The following MTM1 variants were observed in gnomAD, a reference collection of about 807,000 sequenced individuals.
MTM1 encodes myotubularin.
In MTM1, 9 loss-of-function variants were observed where a neutral mutation model predicts 52.1. That is an observed-to-expected ratio of 0.17 (90% CI 0.10 to 0.30). MTM1 has a LOEUF of 0.30. MTM1 is among the 10% of genes least tolerant of loss of function. MTM1 has a pLI of 1.00. For missense variants in MTM1, 277 were observed against 470.7 expected (o/e 0.59, Z 3.81); for synonymous variants, 136 against 163.8 (o/e 0.83, Z 1.29).
chrX:150,612,925 A>G (rs2039312577), intron 4 of MTM1, among the ~76,000 whole-genome samples: 1 of 110,031 alleles, frequency 9.1e-6, no homozygotes, highest in African/African-American at 3.3e-5. Context: ...TGGAGGTTGC[A>G]GTGAGCTGAG....
chrX:150,577,508 T>TA (rs1780884644), intron 1 of MTM1, among the ~76,000 whole-genome samples: 1 of 112,740 alleles, frequency 8.9e-6, no homozygotes, highest in Non-Finnish European at 1.9e-5. Flanking sequence ...ATTTTTAACT[T>TA]ACAAATTCCT....
Position 150,671,616 on chromosome X carries a change from T to C in MTM1, c.*21T>C. Reference sequence around the variant, plus strand: ...TCTGAGGGGGGACCCTGGCACCGCATTAGAGCTCGAAATAAAGGCGATAGC... The same window carrying C: ...TCTGAGGGGGGACCCTGGCACCGCACTAGAGCTCGAAATAAAGGCGATAGC... On this transcript the variant is annotated 3_prime_UTR_variant, in exon 15 of 15. Transcript: ENST00000370396. 8.3e-7 allele frequency: 1 copy of C among 1,207,220 alleles called. No individual in the cohort carries two copies. Among genetic ancestry groups the C allele is most frequent in the African/African-American group, 1.7e-5 (1 of 57,689 alleles).
rs1183572363 is a variant in MTM1 at position 150,583,863 on chromosome X, A to T, written c.-10-8742A>T. On this transcript the variant is annotated intron_variant, in intron 1 of 14. Transcript: ENST00000370396. ...AATATATATCAAATATATAAAATATATATTAAATATATATTAAATATATAT... is the reference window on the plus strand; with the variant it reads ...AATATATATCAAATATATAAAATATTTATTAAATATATATTAAATATATAT... Among the ~76,000 whole-genome samples the T allele has an allele frequency of 4.3e-5, 2 of 46,474 alleles. 1 individual carries two copies. Among genetic ancestry groups the T allele is most frequent in the African/African-American group, 1.7e-4 (2 of 11,802 alleles). The allele number at this position is 46,474 out of a possible 115,157, so 40.4% of individuals were successfully genotyped here. A position where few individuals can be genotyped will look rare whatever the true frequency, so the allele number is the denominator to read the frequency against.
intron 1 of MTM1, among the ~76,000 whole-genome samples, chrX:150,581,096 G>A (rs1237324278): frequency 9.0e-6 from 1 of 111,642 alleles, no homozygotes; most frequent in Non-Finnish European, 1.9e-5. Context: ...ATCCTCAAAG[G>A]CTCTAGGCCA....
chrX:150,590,396 T>A (rs1169560394), intron 1 of MTM1, among the ~76,000 whole-genome samples: 1 of 111,814 alleles, frequency 8.9e-6, no homozygotes, highest in Admixed American at 9.5e-5. Flanking sequence ...ATTCCCAAAG[T>A]GGGCAAATTT....
At position 150,589,457 on chromosome X, in the gene MTM1, T is replaced by C. The variant is rs2038845988; in HGVS notation, c.-10-3148T>C. 3.6e-5 allele frequency among the ~76,000 whole-genome samples: 4 copies of C among 111,963 alleles called. 1 individual carries two copies. The South Asian group carries it at 1.5e-3, about 42-fold the overall frequency. The stretch of plus-strand genomic sequence containing the variant: ...GCTTTAAAGCCAAGGTAGCCAAAAA[T>C]CAACATTTTTTTGTTTGTTTTTTAA... On this transcript the variant is annotated intron_variant, in intron 1 of 14. Transcript: ENST00000370396.
chrX:150,660,227 A>AGT, intron 12 of MTM1, 144 bp from the exon 13 acceptor site: 1 of 473,371 alleles, frequency 2.1e-6, no homozygotes, highest in East Asian at 3.7e-5. Flanking sequence ...GAACAACTGT[A>AGT]GTGTGTGTGC....
At chrX:150,589,558 T>A (rs782473999) in intron 1 of MTM1, among the ~76,000 whole-genome samples, 1 of 111,519 alleles carries the variant, frequency 9.0e-6, no homozygotes, top group Non-Finnish European at 1.9e-5. Flanking sequence ...AGCTGATTTT[T>A]GTAGACTTCA....
intron 2 of MTM1, 96 bp downstream of exon 2, chrX:150,592,773 T>C: frequency 1.7e-6 from 1 of 585,906 alleles, no homozygotes; most frequent in Admixed American, 2.4e-5. Context: ...GAATTATGAA[T>C]TTTATTATTC....
chrX:150,563,035 T>C, the MTM1 span, among the ~76,000 whole-genome samples: 1 of 111,180 alleles, frequency 9.0e-6, no homozygotes, highest in Admixed American at 9.6e-5. Flanking sequence ...GCTCTCTCTG[T>C]CCTGCCCCCA....
At chrX:150,600,345 G>A (rs2039048115) in intron 4 of MTM1, among the ~76,000 whole-genome samples, 2 of 112,312 alleles carry the variant, frequency 1.8e-5, no homozygotes, top group South Asian at 7.3e-4. Context: ...GTTGTTATCA[G>A]TAAAGGATAG....
chrX:150,603,371 AT>A (rs1376445827), intron 4 of MTM1, among the ~76,000 whole-genome samples: 1 of 111,833 alleles, frequency 8.9e-6, no homozygotes, highest in African/African-American at 3.3e-5. Flanking sequence ...ATCCAATGTG[AT>A]TTCAGGAAGA....
intron 4 of MTM1, among the ~76,000 whole-genome samples, chrX:150,612,377 T>C (rs1327983124): frequency 9.0e-6 from 1 of 111,686 alleles, no homozygotes; most frequent in Non-Finnish European, 1.9e-5. Context: ...TATGAATAAC[T>C]GCTTATTTTC....
intron 4 of MTM1, 31 bp from the exon 5 acceptor site, chrX:150,614,558 A>G (rs1265317241): frequency 1.2e-6 from 1 of 824,363 alleles, no homozygotes; most frequent in Non-Finnish European, 1.8e-6. Flanking sequence ...ACTGACAGAA[A>G]TACTGACTAC....
chrX:150,650,238 G>A (rs782616031), intron 10 of MTM1, among the ~76,000 whole-genome samples: 1 of 110,063 alleles, frequency 9.1e-6, no homozygotes, highest in South Asian at 3.8e-4. Context: ...ATAAGAGGTG[G>A]TTAGTTTTGT....
At position 150,660,618 on chromosome X, in the gene MTM1, A is replaced by G. The variant is rs900705341; in HGVS notation, c.1467+134A>G. On this transcript the variant is annotated intron_variant, in intron 13 of 14. Transcript: ENST00000370396. ...AAAGAGTAGGAATTACATTAAAGGT[A>G]TGCATTTTGTGTTATATAAAGGAAT... 1.0e-5 allele frequency: 5 copies of G among 489,848 alleles called. No homozygotes were observed. In the African/African-American group the frequency reaches 1.2e-4, roughly 12 times the overall value. The allele number at this position is 489,848 out of a possible 1,213,427, so 40.4% of individuals were successfully genotyped here. A position where few individuals can be genotyped will look rare whatever the true frequency, so the allele number is the denominator to read the frequency against.
chrX:150,666,480 T>G (rs1407010814), intron 14 of MTM1, among the ~76,000 whole-genome samples: 1 of 112,592 alleles, frequency 8.9e-6, no homozygotes, highest in African/African-American at 3.2e-5. Flanking sequence ...CATTGTAATA[T>G]TCAAGCTGAT....
intron 5 of MTM1, among the ~76,000 whole-genome samples, chrX:150,617,805 G>A (rs1268711841): frequency 9.0e-6 from 1 of 111,700 alleles, no homozygotes; most frequent in African/African-American, 3.3e-5. Flanking sequence ...GGTCTGTACC[G>A]CTCCTGAAGT....
intron 11 of MTM1, 120 bp downstream of exon 11, chrX:150,658,147 C>A: frequency 1.6e-6 from 1 of 620,760 alleles, no homozygotes; most frequent in Non-Finnish European, 2.6e-6. Context: ...AAAAACTTTA[C>A]GCGTTTGAAA....
Sources: allele counts gnomAD v4.1 joint callset (sites outside exome capture counted in the v4.1 genomes callset), GRCh38; gene constraint gnomAD v4.1.1; transcripts MANE v1.5; gene names NCBI Gene and HGNC (gene_info 2026-07-23, HGNC 2026-07-21).